The following CLIC6 variants were observed in gnomAD, a reference collection of about 807,000 sequenced individuals.
CLIC6 encodes chloride intracellular channel protein 6.
In CLIC6, 39 loss-of-function variants were observed where a neutral mutation model predicts 49.2. The observed-to-expected ratio is 0.79, with a 90% CI of 0.61 to 1.04. The LOEUF is 1.04. CLIC6 is among the 50% of genes least tolerant of loss of function. The pLI, the probability that CLIC6 is intolerant of heterozygous loss-of-function variation, is 0.00. For missense variants in CLIC6, 988 were observed against 993.1 expected (o/e 0.99, Z 0.07); for synonymous variants, 446 against 433.4 (o/e 1.03, Z -0.36).
intron 1 of CLIC6, among the ~76,000 whole-genome samples, chr21:34,697,194 G>C (rs1990103226): frequency 6.6e-6 from 1 of 151,118 alleles, no homozygotes; most frequent in Admixed American, 6.6e-5. Flanking sequence ...ACAATTCTGG[G>C]GTAGGTTTGC....
Position 34,716,476 on chromosome 21 carries a change from G to C in CLIC6, c.2055G>C (p.Met685Ile). 6.2e-7 allele frequency: 1 copy of C among 1,609,094 alleles called. No individual in the cohort carries two copies. Among genetic ancestry groups the C allele is most frequent in the African/African-American group, 1.3e-5 (1 of 74,856 alleles). Residue 685 changes from methionine to isoleucine, a missense_variant, in exon 6 of 6, where the codon ATG becomes ATC. By Grantham distance (10) the Met-to-Ile change is conservative. Around this residue, in one of 3 missense-constraint regions of CLIC6, gnomAD observed 647 missense variants for 596.9 expected, o/e 1.08. Coordinates refer to ENST00000349499, the MANE Select transcript of CLIC6 (RefSeq NM_053277.3). ...EHAYSDVAKR[M>I]K ...CATATTCAGATGTTGCAAAAAGAATGAAATGAAGCTGGGCTGTTTTCTGTC... is the reference window on the plus strand; with the variant it reads ...CATATTCAGATGTTGCAAAAAGAATCAAATGAAGCTGGGCTGTTTTCTGTC...
intron 1 of CLIC6, among the ~76,000 whole-genome samples, chr21:34,676,493 C>T (rs955631380): frequency 3.9e-5 from 6 of 152,250 alleles, no homozygotes; most frequent in African/African-American, 1.4e-4. Context: ...TCTGTAGCAT[C>T]TCCACTGGGC....
At chr21:34,673,960 T>C (rs1353145478) in intron 1 of CLIC6, among the ~76,000 whole-genome samples, 2 of 152,196 alleles carry the variant, frequency 1.3e-5, no homozygotes, top group Non-Finnish European at 2.9e-5. Context: ...GTGGGTTTTG[T>C]ATGGCATAGC....
intron 1 of CLIC6, among the ~76,000 whole-genome samples, chr21:34,683,057 C>T (rs765426411): frequency 3.9e-5 from 6 of 152,060 alleles, no homozygotes; most frequent in Admixed American, 6.6e-5. Flanking sequence ...GTGATCCGCC[C>T]GTCTCGGCCT....
At chr21:34,685,462 C>T (rs902036387) in intron 1 of CLIC6, among the ~76,000 whole-genome samples, 15 of 152,194 alleles carry the variant, frequency 9.9e-5, no homozygotes, top group Non-Finnish European at 2.2e-4. Flanking sequence ...AAAATCAACA[C>T]TTTTTTGGTG....
At chr21:34,682,802 T>A (rs1209622209) in intron 1 of CLIC6, among the ~76,000 whole-genome samples, 1 of 11,520 alleles carries the variant, frequency 8.7e-5, no homozygotes, top group Non-Finnish European at 2.3e-4. Context: ...TTTCCCTCCA[T>A]TTTTTTTTTT....
chr21:34,707,917 T>C (rs2056026981), intron 2 of CLIC6, 27 bp from the exon 3 acceptor site: 1 of 1,613,160 alleles, frequency 6.2e-7, no homozygotes, highest in African/African-American at 1.3e-5. Context: ...CGGTGGCCCA[T>C]AAACACTGCT....
chr21:34,687,694 T>C (rs1989907416), intron 1 of CLIC6, among the ~76,000 whole-genome samples: 1 of 152,232 alleles, frequency 6.6e-6, no homozygotes, highest in Non-Finnish European at 1.5e-5. Flanking sequence ...GAATAATAAA[T>C]TAATTGTTAC....
At chr21:34,679,268 A>G (rs1989731001) in intron 1 of CLIC6, among the ~76,000 whole-genome samples, 1 of 152,154 alleles carries the variant, frequency 6.6e-6, no homozygotes, top group South Asian at 2.1e-4. Context: ...GTGCCAAGTG[A>G]AAGGGGAAGC....
At chr21:34,691,201 A>G (rs1989986722) in intron 1 of CLIC6, among the ~76,000 whole-genome samples, 1 of 152,222 alleles carries the variant, frequency 6.6e-6, no homozygotes, top group African/African-American at 2.4e-5. Flanking sequence ...TCCATGAACT[A>G]GGAACCCTTT....
chr21:34,700,803 G>C lies in CLIC6; in HGVS notation c.1375-6477G>C, dbSNP rs1299342981. Among the ~76,000 whole-genome samples, 2 of 139,596 alleles carry C rather than the reference G, an allele frequency of 1.4e-5. 1 individual carries two copies. Among genetic ancestry groups the C allele is most frequent in the East Asian group, 4.1e-4 (2 of 4,880 alleles). 91.6% of individuals were successfully genotyped at this position (139,596 alleles called of 152,430 possible). ...ACAGAGGACTGTGGTGTCATTTCTG[G>C]AAAAGGAAGCAGTTCTCTGGACGCT... On this transcript the variant is annotated intron_variant, in intron 1 of 5. Transcript: ENST00000349499.
intron 5 of CLIC6, among the ~76,000 whole-genome samples, chr21:34,712,800 A>G (rs1250424709): frequency 6.6e-6 from 1 of 152,230 alleles, no homozygotes; most frequent in African/African-American, 2.4e-5. Flanking sequence ...CTTCGTTTCT[A>G]GCCACAGTGG....
intron 1 of CLIC6, among the ~76,000 whole-genome samples, chr21:34,702,704 A>T (rs2055988526): frequency 1.3e-5 from 2 of 152,172 alleles, no homozygotes; most frequent in African/African-American, 4.8e-5. Flanking sequence ...CCAGTGTCCA[A>T]AGTGTGTGAG....
intron 1 of CLIC6, among the ~76,000 whole-genome samples, chr21:34,673,220 G>T (rs1238246361): frequency 1.3e-5 from 2 of 151,712 alleles, no homozygotes; most frequent in Admixed American, 6.6e-5. Context: ...TTGATCTGGT[G>T]CTCAGTTGCT....
rs887316535 is a variant in CLIC6, at chr21:34,670,237, G to T, written c.849G>T (p.Glu283Asp). Reference sequence around the variant, plus strand: ...CGGCGGGGGACAGCATGGACGCCGAGGGTCCGGCAGGAAGGGCGCGCCGGG... The same window carrying T: ...CGGCGGGGGACAGCATGGACGCCGATGGTCCGGCAGGAAGGGCGCGCCGGG... ...EGPAGDSMDA[E>D]GPAGRARRVS... Residue 283 changes from glutamate to aspartate, a missense_variant, in exon 1 of 6, where the codon GAG becomes GAT. By Grantham distance (45) the Glu-to-Asp change is conservative (BLOSUM62 2). Transcript: ENST00000349499. The T allele has an allele frequency of 6.3e-6, 9 of 1,423,802 alleles. No individual in the cohort carries two copies. The South Asian group carries it at 1.0e-4, about 17-fold the overall frequency. 88.2% of individuals were successfully genotyped at this position (1,423,802 alleles called of 1,614,324 possible).
chr21:34,693,454 T>TC (rs1478424866), intron 1 of CLIC6, among the ~76,000 whole-genome samples: 2 of 152,184 alleles, frequency 1.3e-5, no homozygotes, highest in Admixed American at 6.5e-5. Context: ...AGAAGTTGTT[T>TC]CCCTACCTTG....
intron 2 of CLIC6, 37 bp from the exon 3 acceptor site, chr21:34,707,907 C>A: frequency 1.9e-6 from 3 of 1,610,998 alleles, no homozygotes; most frequent in Non-Finnish European, 2.5e-6. Context: ...CAGATTCTCA[C>A]GGTGGCCCAT....
In CLIC6 at chr21:34,670,646, G is replaced by T; in HGVS notation, c.1258G>T (p.Glu420Ter). The stretch of plus-strand genomic sequence containing the variant: ...CCAGCTCAGCAACCACCTGGCCGAG[G>T]AGGGCCCCGCCGAGGGTAGCGGCGA... ...EAQLSNHLAE[E>*]GPAEGSGEAA... Residue 420 changes from glutamate (E) to a stop codon, truncating the protein, a stop_gained, in exon 1 of 6, where the codon GAG (glutamate) becomes TAG (stop). Transcript: ENST00000349499. LOFTEE classifies it high-confidence loss of function. The T allele has an allele frequency of 6.4e-7, 1 of 1,558,570 alleles. No homozygotes were observed. Among genetic ancestry groups the T allele is most frequent in the Non-Finnish European group, 8.7e-7 (1 of 1,154,460 alleles).
chr21:34,685,444 A>T (rs1391908148), intron 1 of CLIC6, among the ~76,000 whole-genome samples: 1 of 152,186 alleles, frequency 6.6e-6, no homozygotes, highest in Non-Finnish European at 1.5e-5. Flanking sequence ...CTTTCTCCCT[A>T]AATAAGAAAA....
Sources: gnomAD v4.1 joint callset for allele counts (sites outside exome capture counted in the v4.1 genomes callset) on GRCh38, gnomAD v4.1.1 for gene constraint, gnomAD v4.1.1 regional missense constraint, MANE v1.5 for transcripts, NCBI Gene and HGNC (gene_info 2026-07-23, HGNC 2026-07-21) for gene names.